NUP210L: variants seen among roughly 807,000 people sequenced by gnomAD.
NUP210L encodes the protein nucleoporin 210 like, also known as nuclear pore membrane glycoprotein 210-like.
NUP210L carries 74 observed loss-of-function variants against 208.5 expected under a neutral mutation model. The observed-to-expected ratio is 0.35, with a 90% CI of 0.29 to 0.43. The LOEUF is 0.43. Among genes scored for constraint, NUP210L ranks in the 20% least tolerant of loss-of-function variants. The probability of loss-of-function intolerance (pLI) is 1.00; values close to 1 mark genes in which losing one functional copy is unlikely to be tolerated. For synonymous variants in NUP210L, 780 were observed against 816.9 expected (o/e 0.95, Z 0.77); for missense variants, 1,843 against 2,289.4 (o/e 0.81, Z 3.98).
rs767243553 is a variant in NUP210L, at chr1:154,095,159, G to A, written c.1966-3C>T. On this transcript the variant is annotated splice_polypyrimidine_tract_variant and splice_region_variant and intron_variant, in intron 14 of 39. Transcript: ENST00000368559. ...GCCACTTCCACAGGATTTAAAGCCT[G>A]ATGATATTTAAAGAAATTAATTCCT... 5.6e-6 allele frequency: 9 copies of A among 1,604,696 alleles called. No homozygotes were observed. The highest frequency in any genetic ancestry group is 7.7e-6 in the Non-Finnish European group (9 of 1,171,754).
chr1:154,134,056 A>G (rs544469408), intron 7 of NUP210L, among the ~76,000 whole-genome samples: 56 of 151,376 alleles, frequency 3.7e-4, no homozygotes, highest in African/African-American at 1.1e-3. Flanking sequence ...AGGCCGAGGC[A>G]GGAGAATAAC....
intron 16 of NUP210L, among the ~76,000 whole-genome samples, chr1:154,086,191 A>AAT (rs747235608): frequency 1.3e-5 from 2 of 151,380 alleles, no homozygotes; most frequent in African/African-American, 4.8e-5. Flanking sequence ...CAGCCTGGGC[A>AAT]ATAGAGTGAG....
At chr1:154,085,898 G>C (rs940933599) in intron 16 of NUP210L, among the ~76,000 whole-genome samples, 1 of 152,136 alleles carries the variant, frequency 6.6e-6, no homozygotes, top group Non-Finnish European at 1.5e-5. Flanking sequence ...GCTGTGTCAA[G>C]TGGATACCAA....
chr1:154,075,522 G>A (rs1266347478), intron 16 of NUP210L, among the ~76,000 whole-genome samples: 1 of 152,038 alleles, frequency 6.6e-6, no homozygotes, highest in Non-Finnish European at 1.5e-5. Context: ...AGGTCAAAGA[G>A]TACAGATGTT....
Position 154,048,470 on chromosome 1 carries a change from G to A in NUP210L, c.3484-2101C>T, listed in dbSNP as rs141951096. 6.8e-3 allele frequency among the ~76,000 whole-genome samples: 1,029 copies of A among 152,328 alleles called. 12 individuals are homozygous for A. Among genetic ancestry groups the A allele is most frequent in the African/African-American group, 0.024 (988 of 41,582 alleles). On this transcript the variant is annotated intron_variant, in intron 25 of 39. Coordinates refer to ENST00000368559, the Ensembl canonical transcript of NUP210L. ...GGCCATTAATCAGTATGAGCCAGGT[G>A]TATGCCCGAAGTGTAAAAAAGGAAA... is the stretch of plus-strand genomic sequence containing the variant.
chr1:154,050,269 G>C (rs1456990787), intron 25 of NUP210L, among the ~76,000 whole-genome samples: 1 of 152,170 alleles, frequency 6.6e-6, no homozygotes, highest in East Asian at 1.9e-4. Context: ...GATATGACCT[G>C]CTCTAGGCAT....
intron 12 of NUP210L, among the ~76,000 whole-genome samples, chr1:154,105,856 G>A (rs1656729831): frequency 6.6e-6 from 1 of 152,174 alleles, no homozygotes; most frequent in Non-Finnish European, 1.5e-5. Context: ...TGACTGAAGA[G>A]CCTTTGGACC....
chr1:154,111,333 A>G (rs1373890220), intron 12 of NUP210L, among the ~76,000 whole-genome samples: 2 of 151,170 alleles, frequency 1.3e-5, no homozygotes. Context: ...CAATGAGCCC[A>G]GATCGCACCA....
At chr1:154,105,211 C>A (rs1180792434) in intron 12 of NUP210L, among the ~76,000 whole-genome samples, 1 of 141,604 alleles carries the variant, frequency 7.1e-6, no homozygotes, top group African/African-American at 2.7e-5. Context: ...GGGCCTTGGC[C>A]GGGTGCAGTG....
intron 38 of NUP210L, among the ~76,000 whole-genome samples, chr1:153,993,648 C>T (rs907655222): frequency 2.7e-5 from 4 of 150,438 alleles, no homozygotes. Flanking sequence ...TGTGGTGGCT[C>T]ACGCCTGTAA....
At position 154,147,076 on chromosome 1, in the gene NUP210L, T is replaced by G. The variant is rs375053854; in HGVS notation, c.341-3499A>C. ...CCTTCCTTTAAATTGTGGGCTAGGC[T>G]TCATGACCCCTTTTAATGAATAGCA... On this transcript the variant is annotated intron_variant, in intron 2 of 39. Transcript: ENST00000368559. Among the ~76,000 whole-genome samples the G allele has an allele frequency of 1.1e-4, 17 of 152,304 alleles. No homozygotes were observed. The East Asian group carries it at 2.7e-3, about 24-fold the overall frequency.
At chr1:154,089,974 G>A (rs140957384) in intron 15 of NUP210L, among the ~76,000 whole-genome samples, 244 of 152,176 alleles carry the variant, frequency 1.6e-3, no homozygotes, top group Admixed American at 2.7e-3. Flanking sequence ...TTACTTGGGA[G>A]ACTGAAGCAG....
intron 15 of NUP210L, among the ~76,000 whole-genome samples, chr1:154,092,571 G>A (rs1007204365): frequency 6.8e-6 from 1 of 147,136 alleles, no homozygotes; most frequent in Non-Finnish European, 1.5e-5. Context: ...TTTTTTAGCA[G>A]AGATGGGGTT....
exon 4 of NUP210L, chr1:154,141,503 G>T: frequency 6.2e-7 from 1 of 1,609,890 alleles, no homozygotes; most frequent in Non-Finnish European, 8.5e-7. Flanking sequence ...CATCATCCCT[G>T]CCAAACTACT....
intron 12 of NUP210L, 84 bp downstream of exon 12, chr1:154,117,641 G>C: frequency 9.6e-7 from 1 of 1,043,144 alleles, no homozygotes; most frequent in East Asian, 2.6e-5. Context: ...AGCCATGTTG[G>C]GCTCTTTTTT....
intron 17 of NUP210L, among the ~76,000 whole-genome samples, chr1:154,066,268 C>CT (rs1292409120): frequency 6.6e-6 from 1 of 152,142 alleles, no homozygotes; most frequent in Non-Finnish European, 1.5e-5. Context: ...CAAGAAATAA[C>CT]TAAGATCAGA....
At chr1:154,090,975 G>C (rs890072980) in intron 15 of NUP210L, among the ~76,000 whole-genome samples, 1 of 151,514 alleles carries the variant, frequency 6.6e-6, no homozygotes, top group African/African-American at 2.4e-5. Flanking sequence ...ATATGATCAA[G>C]CAATTCCACT....
At chr1:154,047,706 T>C (rs891965282) in intron 25 of NUP210L, among the ~76,000 whole-genome samples, 2 of 152,248 alleles carry the variant, frequency 1.3e-5, no homozygotes, top group Non-Finnish European at 2.9e-5. Context: ...TCAATAAATA[T>C]GTGGGTAAAT....
At chr1:154,043,806 T>C (rs1653025112) in intron 27 of NUP210L, among the ~76,000 whole-genome samples, 1 of 151,766 alleles carries the variant, frequency 6.6e-6, no homozygotes, top group African/African-American at 2.4e-5. Flanking sequence ...TTTGTATTTT[T>C]AGTAGAGACG....
Sources: allele counts gnomAD v4.1 joint callset (sites outside exome capture counted in the v4.1 genomes callset), GRCh38; gene constraint gnomAD v4.1.1; transcripts MANE v1.5; gene names NCBI Gene and HGNC (gene_info 2026-07-23, HGNC 2026-07-21).